The following RASGEF1C variants were observed in gnomAD, a reference collection of about 807,000 sequenced individuals.
RASGEF1C encodes ras-GEF domain-containing family member 1C.
A neutral mutation model predicts 58.1 loss-of-function variants in RASGEF1C; 27 were observed. The observed-to-expected ratio is 0.46, with a 90% confidence interval of 0.34 to 0.64. The LOEUF (loss-of-function observed/expected upper bound fraction) is 0.64. Ranked by LOEUF, RASGEF1C falls within the 30% of genes least tolerant of loss-of-function variation. The pLI is 0.01. For missense variants in RASGEF1C, 502 were observed against 605.1 expected (o/e 0.83, Z 1.79); for synonymous variants, 243 against 246.3 (o/e 0.99, Z 0.13).
intron 1 of RASGEF1C, among the ~76,000 whole-genome samples, chr5:180,182,204 C>CAAAAAAAA (rs1156831010): frequency 1.4e-3 from 31 of 22,766 alleles, no homozygotes; most frequent in African/African-American, 3.2e-3. Context: ...GACTCCGTCT[C>CAAAAAAAA]AAAAAAAAAA....
chr5:180,121,681 A>ACAC lies in RASGEF1C; in HGVS notation c.715-533_715-532insGTG, dbSNP rs71892414. 1.7e-3 allele frequency among the ~76,000 whole-genome samples: 128 copies of ACAC among 73,516 alleles called. 2 individuals are homozygous for ACAC. Among genetic ancestry groups the ACAC allele is most frequent in the African/African-American group, 4.0e-3 (118 of 29,500 alleles). 48.2% of individuals were successfully genotyped at this position (73,516 alleles called of 152,430 possible). A position where few individuals can be genotyped will look rare whatever the true frequency, so the allele number is the denominator to read the frequency against. ...CACACACACACACACACACACACAC[A>ACAC]CCCTCATTATTCCTGGATCCTGTAT... On this transcript the variant is annotated intron_variant, in intron 6 of 13. Transcript: ENST00000361132.
intron 1 of RASGEF1C, among the ~76,000 whole-genome samples, chr5:180,207,477 G>T (rs1476373940): frequency 2.0e-5 from 3 of 152,224 alleles, no homozygotes; most frequent in African/African-American, 7.2e-5. Flanking sequence ...GTGAGAGCTG[G>T]AACCACCTCA....
intron 5 of RASGEF1C, 133 bp downstream of exon 5, chr5:180,128,277 G>A (rs1478344989): frequency 2.3e-6 from 2 of 856,086 alleles, no homozygotes; most frequent in Non-Finnish European, 3.9e-6. Flanking sequence ...AAGGGGCCCA[G>A]TGCATGCTCG....
intron 1 of RASGEF1C, among the ~76,000 whole-genome samples, chr5:180,187,846 G>A (rs4700723): frequency 0.83 from 126,553 of 152,228 alleles, 52,766 homozygotes; most frequent in Admixed American, 0.88. Flanking sequence ...AACAGAAAGT[G>A]ATAAGTGTTG....
Position 180,119,431 on chromosome 5 carries a change from C to A in RASGEF1C, c.822G>T (p.Gln274His). Residue 274 changes from glutamine (Q) to histidine (H), a missense_variant, in exon 8 of 14, where the codon CAG becomes CAT. Physicochemically the swap from Gln to His is conservative, Grantham distance 24 (BLOSUM62 0). Coordinates refer to ENST00000361132, the MANE Select transcript of RASGEF1C (RefSeq NM_175062.4). ...TEICMPAKKK[Q>H]RAQVIEFFID... ...TGAAGAACTCAATCACCTGGGCCCT[C>A]TGCTTCTTCTTGGCTGGCTGGGGAC... is the stretch of plus-strand genomic sequence containing the variant. 6.2e-7 allele frequency: 1 copy of A among 1,614,168 alleles called. No homozygotes were observed. The highest frequency in any genetic ancestry group is 1.7e-5 in the Admixed American group (1 of 60,022).
intron 1 of RASGEF1C, among the ~76,000 whole-genome samples, chr5:180,142,418 G>C (rs562543902): frequency 6.6e-6 from 1 of 152,288 alleles, no homozygotes; most frequent in East Asian, 1.9e-4. Context: ...AATGTACCAA[G>C]AGCGTTATGT....
At chr5:180,182,133 A>G (rs1369880753) in intron 1 of RASGEF1C, among the ~76,000 whole-genome samples, 1 of 132,462 alleles carries the variant, frequency 7.5e-6, no homozygotes, top group Non-Finnish European at 1.5e-5. Context: ...GGAACCCGGG[A>G]GGTGGAGCTT....
In RASGEF1C at chr5:180,102,178, G is replaced by A. The variant is rs1485567997; in HGVS notation, c.1304-35C>T. On this transcript the variant is annotated intron_variant, in intron 12 of 13. Coordinates refer to ENST00000361132, the MANE Select transcript of RASGEF1C (RefSeq NM_175062.4). ...AAATGAAGTGAAATTTCACAATTAT[G>A]GTTGATGATAATAACCTGTTCTACA... is the stretch of plus-strand genomic sequence containing the variant. 4 of 1,292,926 alleles carry A rather than the reference G, an allele frequency of 3.1e-6. No individual in the cohort carries two copies. In the East Asian group the frequency reaches 9.2e-5, roughly 30 times the overall value. The allele number at this position is 1,292,926 out of a possible 1,614,324, so 80.1% of individuals were successfully genotyped here.
In RASGEF1C at chr5:180,168,009, G is replaced by A. The variant is rs978011782; in HGVS notation, c.-6-29951C>T. 2.6e-5 allele frequency among the ~76,000 whole-genome samples: 4 copies of A among 152,152 alleles called. No individual in the cohort carries two copies. Among genetic ancestry groups the A allele is most frequent in the Non-Finnish European group, 5.9e-5 (4 of 68,032 alleles). On this transcript the variant is annotated intron_variant, in intron 1 of 13. Coordinates refer to ENST00000361132, the MANE Select transcript of RASGEF1C (RefSeq NM_175062.4). The surrounding 1 kb of genome is among the most constrained non-coding windows in gnomAD (Gnocchi z 6.0). ...ACCTAGCGGCCAGTCTGAGACCTGG[G>A]CCGTGTTTTATTTTGTACTATAGTT...
chr5:180,149,642 G>A (rs1433261602), intron 1 of RASGEF1C, among the ~76,000 whole-genome samples: 3 of 151,672 alleles, frequency 2.0e-5, no homozygotes, highest in Non-Finnish European at 4.4e-5. Flanking sequence ...TTTTAGTAGA[G>A]ATGGGGTTTC....
intron 1 of RASGEF1C, among the ~76,000 whole-genome samples, chr5:180,154,102 A>C (rs1766811323): frequency 6.6e-6 from 1 of 152,174 alleles, no homozygotes; most frequent in Non-Finnish European, 1.5e-5. Flanking sequence ...TCTCTCTGTG[A>C]AGGGCGCCCA....
intron 12 of RASGEF1C, among the ~76,000 whole-genome samples, chr5:180,103,275 C>T (rs948428451): frequency 6.6e-6 from 1 of 152,154 alleles, no homozygotes; most frequent in South Asian, 2.1e-4. Flanking sequence ...GATGGGGTTT[C>T]ACCGTGTTAG....
chr5:180,192,682 G>A (rs535077801), intron 1 of RASGEF1C, among the ~76,000 whole-genome samples: 5 of 152,082 alleles, frequency 3.3e-5, no homozygotes, highest in Admixed American at 6.5e-5. Context: ...GTGACTATAC[G>A]TAGAAATGAT....
At chr5:180,176,194 C>T (rs945479462) in intron 1 of RASGEF1C, among the ~76,000 whole-genome samples, 5 of 152,218 alleles carry the variant, frequency 3.3e-5, no homozygotes, top group Non-Finnish European at 7.3e-5. Flanking sequence ...GGCCTGGGCC[C>T]TGGTGGCCAT....
At chr5:180,101,589 C>G in intron 13 of RASGEF1C, 64 bp from the exon 14 acceptor site, 1 of 1,587,612 alleles carries the variant, frequency 6.3e-7, no homozygotes, top group South Asian at 1.1e-5. Context: ...TTAGACTGCT[C>G]TCCAGCACAG....
intron 1 of RASGEF1C, among the ~76,000 whole-genome samples, chr5:180,171,694 G>A (rs757428224): frequency 5.3e-5 from 8 of 152,222 alleles, no homozygotes; most frequent in Admixed American, 2.0e-4. Context: ...AAGTGATGGC[G>A]TGTGTCACCC....
At chr5:180,111,266 C>A (rs1765954506) in intron 12 of RASGEF1C, among the ~76,000 whole-genome samples, 191 bp downstream of exon 12, 1 of 151,860 alleles carries the variant, frequency 6.6e-6, no homozygotes, top group African/African-American at 2.4e-5. Flanking sequence ...CCTCCTCAGG[C>A]CCATCCTGTA....
chr5:180,154,358 T>G (rs1214853313), intron 1 of RASGEF1C, among the ~76,000 whole-genome samples: 1 of 152,160 alleles, frequency 6.6e-6, no homozygotes, highest in Non-Finnish European at 1.5e-5. Flanking sequence ...CTGCTCCACC[T>G]TACCCGGACA....
At chr5:180,208,356 C>T (rs892284722) in intron 1 of RASGEF1C, among the ~76,000 whole-genome samples, 1 of 152,192 alleles carries the variant, frequency 6.6e-6, no homozygotes, top group Non-Finnish European at 1.5e-5. Flanking sequence ...GTTTCCCACG[C>T]CCACGCTGAG....
Sources: allele counts gnomAD v4.1 joint callset (sites outside exome capture counted in the v4.1 genomes callset), GRCh38; gene constraint gnomAD v4.1.1; non-coding constraint Gnocchi (gnomAD v3.1); transcripts MANE v1.5; gene names NCBI Gene and HGNC (gene_info 2026-07-23, HGNC 2026-07-21).